AGAP1: variants seen among roughly 807,000 people sequenced by gnomAD.
AGAP1 encodes the protein arf-GAP with GTPase, ANK repeat and PH domain-containing protein 1.
In AGAP1, 29 loss-of-function variants were observed where a neutral mutation model predicts 105.3. That is an observed-to-expected ratio of 0.28 (90% CI 0.21 to 0.38). The LOEUF is 0.38. AGAP1 is among the 10% of genes least tolerant of loss of function. AGAP1 has a pLI of 1.00. For missense variants in AGAP1, 998 were observed against 1,165.1 expected (o/e 0.86, Z 2.09); for synonymous variants, 509 against 485.9 (o/e 1.05, Z -0.63).
At chr2:235,897,328 C>G (rs1051874643) in intron 10 of AGAP1, among the ~76,000 whole-genome samples, 1 of 152,204 alleles carries the variant, frequency 6.6e-6, no homozygotes, top group African/African-American at 2.4e-5. Context: ...GCGTGAACCA[C>G]CACGCCTGAC....
In AGAP1 at chr2:235,578,053, T is replaced by C. The variant is rs895098346; in HGVS notation, c.163+83204T>C. On this transcript the variant is annotated intron_variant, in intron 1 of 17. Coordinates refer to ENST00000304032, the MANE Select transcript of AGAP1 (RefSeq NM_001037131.3). The surrounding 1 kb of genome is among the most constrained non-coding windows in gnomAD (Gnocchi z 4.9). ...CCCCTCGTGAGGAGCTGGGTACCAC[T>C]GTTATCCTGCCTGCTGGTCTGAGGG... Among the ~76,000 whole-genome samples the C allele has an allele frequency of 4.6e-5, 7 of 152,062 alleles. No homozygotes were observed. The highest frequency in any genetic ancestry group is 1.7e-4 in the African/African-American group (7 of 41,420).
chr2:235,687,583 T>C (rs532760841), intron 1 of AGAP1, among the ~76,000 whole-genome samples: 6 of 152,346 alleles, frequency 3.9e-5, no homozygotes, highest in Admixed American at 1.3e-4. Context: ...TTGATAAACA[T>C]GCAGATAAAA....
At position 235,556,262 on chromosome 2, in the gene AGAP1, A is replaced by G. The variant is rs1470115650; in HGVS notation, c.163+61413A>G. ...CTGTCCAGGCCACTGATCAGCCCCC[A>G]GGTCCAGGTCCAAGAACAAGCCTGT... On this transcript the variant is annotated intron_variant, in intron 1 of 17. Transcript: ENST00000304032. The surrounding 1 kb of genome is among the most constrained non-coding windows in gnomAD (Gnocchi z 5.3). Among the ~76,000 whole-genome samples the G allele has an allele frequency of 6.6e-6, 1 of 152,250 alleles. No individual in the cohort carries two copies. Among genetic ancestry groups the G allele is most frequent in the Non-Finnish European group, 1.5e-5 (1 of 68,038 alleles).
chr2:235,797,930 CAAT>C, intron 7 of AGAP1, 44 bp downstream of exon 7: 1 of 1,607,172 alleles, frequency 6.2e-7, no homozygotes, highest in Non-Finnish European at 8.5e-7. Context: ...GAACCAAAGA[CAAT>C]ATGCAAATAG....
chr2:235,791,474 T>G (rs115603013), intron 6 of AGAP1, among the ~76,000 whole-genome samples: 99 of 152,290 alleles, frequency 6.5e-4, no homozygotes, highest in Middle Eastern at 3.4e-3. Context: ...GTCCCTGATA[T>G]GCTGATATGC....
At chr2:235,542,910 G>A (rs1169870799) in intron 1 of AGAP1, among the ~76,000 whole-genome samples, 1 of 152,154 alleles carries the variant, frequency 6.6e-6, no homozygotes, top group Non-Finnish European at 1.5e-5. Flanking sequence ...CACCACCCAA[G>A]GGGAGGGGTC....
At position 235,655,428 on chromosome 2, in the gene AGAP1, A is replaced by C. The variant is rs1410148147; in HGVS notation, c.164-53751A>C. On this transcript the variant is annotated intron_variant, in intron 1 of 17. Transcript: ENST00000304032. The surrounding 1 kb of genome is among the most constrained non-coding windows in gnomAD (Gnocchi z 4.3). ...GTTGGTCATGCCCAGGGATCTCCTT[A>C]AGTGTTGCAGAATCACACCTGGACA... 6.6e-6 allele frequency among the ~76,000 whole-genome samples: 1 copy of C among 152,118 alleles called. No individual in the cohort carries two copies. The highest frequency in any genetic ancestry group is 1.5e-5 in the Non-Finnish European group (1 of 68,024).
chr2:236,018,813 A>G (rs1473902559), intron 13 of AGAP1, among the ~76,000 whole-genome samples: 1 of 152,234 alleles, frequency 6.6e-6, no homozygotes, highest in Non-Finnish European at 1.5e-5. Context: ...AGCTCGCCCC[A>G]GCAACAGGCC....
rs1383441124 is a variant in AGAP1 at position 235,642,004 on chromosome 2, C to A, written c.164-67175C>A. Among the ~76,000 whole-genome samples the A allele has an allele frequency of 6.6e-6, 1 of 152,188 alleles. No homozygotes were observed. The highest frequency in any genetic ancestry group is 2.4e-5 in the African/African-American group (1 of 41,448). ...TTTAAGCCGTTTACTGTTGATTGTC[C>A]ATTTCTTCAGGTATCTTCTTACATC... On this transcript the variant is annotated intron_variant, in intron 1 of 17. Coordinates refer to ENST00000304032, the MANE Select transcript of AGAP1 (RefSeq NM_001037131.3). This position sits in a 1 kb window ranked among gnomAD's most constrained non-coding sequence, Gnocchi z 4.1.
chr2:235,643,461 G>GAAAA (rs1947271412), intron 1 of AGAP1, among the ~76,000 whole-genome samples: 2 of 93,376 alleles, frequency 2.1e-5, no homozygotes, highest in African/African-American at 8.8e-5. Flanking sequence ...AAAAAAAAAA[G>GAAAA]AAAGAAAGTT....
Position 235,691,154 on chromosome 2 carries a change from C to G in AGAP1, c.164-18025C>G, listed in dbSNP as rs977569153. On this transcript the variant is annotated intron_variant, in intron 1 of 17. Coordinates refer to ENST00000304032, the MANE Select transcript of AGAP1 (RefSeq NM_001037131.3). The surrounding 1 kb of genome is among the most constrained non-coding windows in gnomAD (Gnocchi z 4.4). ...AGTCTGCCCCATGCGATTCTGAGGC[C>G]TTGGTCCCTTCTGAGAGACCCCAGC... Among the ~76,000 whole-genome samples the G allele has an allele frequency of 6.6e-6, 1 of 152,190 alleles. No homozygotes were observed. The highest frequency in any genetic ancestry group is 2.4e-5 in the African/African-American group (1 of 41,462).
intron 1 of AGAP1, among the ~76,000 whole-genome samples, chr2:235,643,221 A>T (rs1288593788): frequency 2.0e-5 from 3 of 152,036 alleles, no homozygotes. Context: ...TCACGAGGTC[A>T]GGAGTTCCAG....
chr2:235,941,418 G>T (rs1000868706), intron 12 of AGAP1, among the ~76,000 whole-genome samples: 1 of 152,200 alleles, frequency 6.6e-6, no homozygotes, highest in Non-Finnish European at 1.5e-5. Flanking sequence ...AGTGGAGCAG[G>T]AATCCAAACG....
Position 235,875,490 on chromosome 2 carries a change from G to A in AGAP1, c.1051-7855G>A, listed in dbSNP as rs529054019. Among the ~76,000 whole-genome samples the A allele has an allele frequency of 1.4e-4, 21 of 152,286 alleles. No homozygotes were observed. The South Asian group carries it at 1.7e-3, about 12-fold the overall frequency. ...ATGCCCACGAGGCTGTGCGGCTCAG[G>A]GCCAGGTCGGTTTTGAGTCACGTGC... On this transcript the variant is annotated intron_variant, in intron 9 of 17. Coordinates refer to ENST00000304032, the MANE Select transcript of AGAP1 (RefSeq NM_001037131.3). This position sits in a 1 kb window ranked among gnomAD's most constrained non-coding sequence, Gnocchi z 4.0.
At chr2:236,118,449 G>A (rs1320553919) in intron 16 of AGAP1, among the ~76,000 whole-genome samples, 1 of 149,454 alleles carries the variant, frequency 6.7e-6, no homozygotes, top group Non-Finnish European at 1.5e-5. Context: ...GAGTGCAGTG[G>A]CGCAATCTCA....
At chr2:236,019,130 A>G (rs2056805288) in intron 13 of AGAP1, among the ~76,000 whole-genome samples, 1 of 152,160 alleles carries the variant, frequency 6.6e-6, no homozygotes, top group Non-Finnish European at 1.5e-5. Flanking sequence ...CAACTCATTC[A>G]CAGTTAAACA....
At position 235,601,962 on chromosome 2, in the gene AGAP1, G is replaced by A. The variant is rs1288194815; in HGVS notation, c.163+107113G>A. On this transcript the variant is annotated intron_variant, in intron 1 of 17. Transcript: ENST00000304032. The surrounding 1 kb of genome is among the most constrained non-coding windows in gnomAD (Gnocchi z 4.4). ...GTCCATTCTCAAAGGAGACTCCAGG[G>A]TGACCCCTAAAACCCAAGTCCAATC... Among the ~76,000 whole-genome samples the A allele has an allele frequency of 1.3e-5, 2 of 152,146 alleles. No homozygotes were observed. Among genetic ancestry groups the A allele is most frequent in the Non-Finnish European group, 1.5e-5 (1 of 68,046 alleles).
intron 11 of AGAP1, among the ~76,000 whole-genome samples, chr2:235,929,927 A>G (rs547642267): frequency 1.2e-4 from 19 of 152,190 alleles, no homozygotes; most frequent in Non-Finnish European, 2.4e-4. Flanking sequence ...AACTAAAACA[A>G]TTGGAAGAAA....
At chr2:235,637,380 C>G (rs988581209) in intron 1 of AGAP1, among the ~76,000 whole-genome samples, 1 of 152,094 alleles carries the variant, frequency 6.6e-6, no homozygotes, top group Non-Finnish European at 1.5e-5. Flanking sequence ...TCAAGTGATC[C>G]TTCCACCTCA....
Sources: allele counts gnomAD v4.1 joint callset (sites outside exome capture counted in the v4.1 genomes callset), GRCh38; gene constraint gnomAD v4.1.1; non-coding constraint Gnocchi (gnomAD v3.1); transcripts MANE v1.5; gene names NCBI Gene and HGNC (gene_info 2026-07-23, HGNC 2026-07-21).